Variants in ASTN2 observed in about 807,000 individuals in gnomAD.
ASTN2 encodes the protein astrotactin 2.
A neutral mutation model predicts 139.8 loss-of-function variants in ASTN2; 54 were observed. The ratio of observed to expected loss-of-function variants is 0.39; its 90% confidence interval spans 0.31 to 0.48. The LOEUF (loss-of-function observed/expected upper bound fraction) is 0.48, where lower values mean the gene tolerates loss of function less well. ASTN2 is among the 20% of genes least tolerant of loss of function. The pLI, the probability that ASTN2 is intolerant of heterozygous loss-of-function variation, is 0.95. For synonymous variants in ASTN2, 756 were observed against 719.5 expected, an observed-to-expected ratio of 1.05 and a Z score of -0.81; for missense variants, 1,565 against 1,725.1, an observed-to-expected ratio of 0.91 and a Z score of 1.64.
rs763187730 is a variant in ASTN2, at chr9:117,321,269, G to C, written c.443-29756C>G. On this transcript the variant is annotated intron_variant, in intron 1 of 22. Coordinates refer to ENST00000313400, the MANE Select transcript of ASTN2 (RefSeq NM_001365068.1). Reference sequence around the variant, plus strand: ...AGGAAATTATGCAGTGGCATGCCTAGATCAGTACCAGGTTGAGAGCAGATA... The same window carrying C: ...AGGAAATTATGCAGTGGCATGCCTACATCAGTACCAGGTTGAGAGCAGATA... Among the ~76,000 whole-genome samples the C allele has an allele frequency of 3.3e-5, 5 of 152,202 alleles. 1 individual carries two copies. The highest frequency in any genetic ancestry group is 1.3e-4 in the Admixed American group (2 of 15,272).
intron 19 of ASTN2, among the ~76,000 whole-genome samples, chr9:116,573,253 T>C (rs1853595448): frequency 6.6e-6 from 1 of 152,244 alleles, no homozygotes; most frequent in African/African-American, 2.4e-5. Flanking sequence ...TAACTCAGGA[T>C]GACAGCTCCA....
At chr9:117,270,172 A>G (rs7019790) in intron 2 of ASTN2, among the ~76,000 whole-genome samples, 40,252 of 152,124 alleles carry the variant, frequency 0.26, 6,566 homozygotes, top group Non-Finnish European at 0.36. Context: ...AATACTTTTT[A>G]TGGTGGTAAG....
chr9:116,936,097 ACCACTACCACTAAAACCACCACC>A (rs1835060755), intron 10 of ASTN2, among the ~76,000 whole-genome samples: 1 of 138,714 alleles, frequency 7.2e-6, no homozygotes, highest in African/African-American at 2.7e-5. Flanking sequence ...CCACCACCAC[ACCACTACCACTAAAACCACCACC>A]ACTACCACCA....
chr9:117,199,461 G>A (rs774246148), intron 3 of ASTN2, among the ~76,000 whole-genome samples: 1 of 152,076 alleles, frequency 6.6e-6, no homozygotes, highest in Non-Finnish European at 1.5e-5. Flanking sequence ...TGAAGTCTCT[G>A]TTCTGTTCCA....
intron 5 of ASTN2, among the ~76,000 whole-genome samples, chr9:117,072,871 A>G (rs1475185949): frequency 6.6e-6 from 1 of 152,346 alleles, no homozygotes; most frequent in East Asian, 1.9e-4. Flanking sequence ...TTAGGTATCC[A>G]AACATAAAAG....
chr9:116,609,201 C>T (rs928755387), intron 19 of ASTN2, among the ~76,000 whole-genome samples: 7 of 150,526 alleles, frequency 4.7e-5, no homozygotes, highest in Non-Finnish European at 8.9e-5. Flanking sequence ...TTTAATGAAA[C>T]CATAAATCCA....
At chr9:117,035,972 C>G (rs1210884960) in intron 6 of ASTN2, among the ~76,000 whole-genome samples, 1 of 152,116 alleles carries the variant, frequency 6.6e-6, no homozygotes, top group Non-Finnish European at 1.5e-5. Flanking sequence ...AAGTCTCTTT[C>G]TCTACAAACT....
chr9:117,161,864 CTTTT>C (rs11388034), intron 3 of ASTN2, among the ~76,000 whole-genome samples: 1 of 147,054 alleles, frequency 6.8e-6, no homozygotes, highest in Admixed American at 6.7e-5. Context: ...TTTTCTTTTT[CTTTT>C]TTTTTAGAAT....
At chr9:116,600,037 C>T (rs1194219025) in intron 19 of ASTN2, among the ~76,000 whole-genome samples, 1 of 152,090 alleles carries the variant, frequency 6.6e-6, no homozygotes, top group Admixed American at 6.5e-5. Flanking sequence ...TTAAAGATTA[C>T]TCTGGTCAGG....
chr9:117,304,280 A>G (rs895926406), intron 1 of ASTN2, among the ~76,000 whole-genome samples: 2 of 151,918 alleles, frequency 1.3e-5, no homozygotes, highest in Non-Finnish European at 2.9e-5. Flanking sequence ...ATCCCCCCTC[A>G]CCCCACCACA....
chr9:116,966,112 C>T (rs1233549041), intron 10 of ASTN2, among the ~76,000 whole-genome samples: 1 of 152,190 alleles, frequency 6.6e-6, no homozygotes, highest in African/African-American at 2.4e-5. Context: ...TCTCTTTCAT[C>T]TAAAGATCTG....
chr9:116,827,715 G>A (rs1831677351), intron 11 of ASTN2, among the ~76,000 whole-genome samples: 1 of 152,056 alleles, frequency 6.6e-6, no homozygotes, highest in Non-Finnish European at 1.5e-5. Flanking sequence ...GAACAATAAT[G>A]ACTACTGAGA....
intron 22 of ASTN2, among the ~76,000 whole-genome samples, chr9:116,435,214 G>A (rs962933101): frequency 2.0e-5 from 3 of 152,204 alleles, no homozygotes; most frequent in African/African-American, 7.2e-5. Flanking sequence ...ACAAGGTCCA[G>A]AATGGGGATG....
Position 116,698,700 on chromosome 9 carries a change from G to A in ASTN2, c.2806+27071C>T. The A allele has an allele frequency of 6.2e-7, 1 of 1,614,220 alleles. No individual in the cohort carries two copies. The highest frequency in any genetic ancestry group is 8.5e-7 in the Non-Finnish European group (1 of 1,180,048). Reference sequence around the variant, plus strand: ...CACAGCGTCTGCTGCCTCTACCTCTGTTACTTTTAGAGAGATGGACATGAG... The same window carrying A: ...CACAGCGTCTGCTGCCTCTACCTCTATTACTTTTAGAGAGATGGACATGAG... On this transcript the variant is annotated intron_variant, in intron 16 of 22. Transcript: ENST00000313400. The surrounding 1 kb of genome is among the most constrained non-coding windows in gnomAD (Gnocchi z 4.4).
intron 3 of ASTN2, among the ~76,000 whole-genome samples, chr9:117,158,529 T>C (rs1177016290): frequency 6.6e-6 from 1 of 152,092 alleles, no homozygotes; most frequent in East Asian, 1.9e-4. Flanking sequence ...TCAACTTGTC[T>C]ACAGAACTAA....
intron 19 of ASTN2, among the ~76,000 whole-genome samples, chr9:116,571,976 C>T (rs1421807635): frequency 6.6e-6 from 1 of 152,074 alleles, no homozygotes; most frequent in East Asian, 1.9e-4. Context: ...TTGTGTATAC[C>T]TGTATGGGAT....
intron 16 of ASTN2, among the ~76,000 whole-genome samples, chr9:116,709,627 T>C (rs772731946): frequency 2.0e-5 from 3 of 152,158 alleles, no homozygotes; most frequent in Admixed American, 6.5e-5. Context: ...CCTCTTTGGG[T>C]TAAATAACTC....
chr9:117,217,390 G>T (rs995048160), intron 2 of ASTN2, among the ~76,000 whole-genome samples: 1 of 152,118 alleles, frequency 6.6e-6, no homozygotes, highest in Non-Finnish European at 1.5e-5. Flanking sequence ...GATTATGGTT[G>T]TGGGACTCTG....
intron 10 of ASTN2, among the ~76,000 whole-genome samples, chr9:116,885,596 G>A (rs997797997): frequency 3.3e-5 from 5 of 152,158 alleles, no homozygotes; most frequent in African/African-American, 4.8e-5. Flanking sequence ...AACCCCAGAC[G>A]CAGAGGTTGC....
Sources: allele counts gnomAD v4.1 joint callset (sites outside exome capture counted in the v4.1 genomes callset), GRCh38; gene constraint gnomAD v4.1.1; non-coding constraint Gnocchi (gnomAD v3.1); transcripts MANE v1.5; gene names NCBI Gene and HGNC (gene_info 2026-07-23, HGNC 2026-07-21).